The following VPS13B variants were observed in gnomAD, a reference collection of about 807,000 sequenced individuals.
VPS13B encodes the protein intermembrane lipid transfer protein VPS13B.
Under a neutral mutation model 426.4 loss-of-function variants are expected in VPS13B, and 285 were observed. The observed-to-expected ratio is 0.67, with a 90% CI of 0.61 to 0.74. The LOEUF (loss-of-function observed/expected upper bound fraction) is 0.74. VPS13B is among the 30% of genes least tolerant of loss of function. VPS13B has a pLI of 0.00. For missense variants in VPS13B, 4,537 were observed against 4,782.6 expected, an observed-to-expected ratio of 0.95 and a Z score of 1.51; for synonymous variants, 1,676 against 1,676.4, an observed-to-expected ratio of 1.00 and a Z score of 0.01.
chr8:99,185,450 TTTTCA>T (rs1269734498), intron 16 of VPS13B, among the ~76,000 whole-genome samples: 1 of 152,200 alleles, frequency 6.6e-6, no homozygotes, highest in African/African-American at 2.4e-5. Flanking sequence ...TTTTAAACTG[TTTTCA>T]TTTCTAAGTT....
intron 51 of VPS13B, among the ~76,000 whole-genome samples, chr8:99,827,863 G>T (rs1162599386): frequency 6.6e-6 from 1 of 152,146 alleles, no homozygotes; most frequent in African/African-American, 2.4e-5. Flanking sequence ...TCAGGAGCAG[G>T]TTGTTCCATT....
intron 19 of VPS13B, among the ~76,000 whole-genome samples, chr8:99,326,062 C>A (rs958790902): frequency 2.7e-4 from 41 of 152,060 alleles, no homozygotes; most frequent in African/African-American, 9.7e-4. Flanking sequence ...AAAATTATTT[C>A]TTACTCTACA....
intron 39 of VPS13B, among the ~76,000 whole-genome samples, chr8:99,734,636 A>ATT (rs1490761938): frequency 6.6e-6 from 1 of 152,208 alleles, no homozygotes; most frequent in East Asian, 1.9e-4. Context: ...GAAGGTAGTC[A>ATT]TTAAGGCTAT....
At chr8:99,821,682 T>C (rs1209914144) in intron 50 of VPS13B, among the ~76,000 whole-genome samples, 200 bp downstream of exon 50, 1 of 152,216 alleles carries the variant, frequency 6.6e-6, no homozygotes, top group Non-Finnish European at 1.5e-5. Flanking sequence ...AAAAGCTGTG[T>C]CACATAATTT....
At chr8:99,434,574 A>G (rs1229549328) in intron 22 of VPS13B, among the ~76,000 whole-genome samples, 1 of 152,210 alleles carries the variant, frequency 6.6e-6, no homozygotes, top group African/African-American at 2.4e-5. Context: ...TAAGAAATAC[A>G]TACCTGCCAT....
At chr8:99,301,261 G>A (rs778475871) in intron 19 of VPS13B, among the ~76,000 whole-genome samples, 2 of 151,350 alleles carry the variant, frequency 1.3e-5, no homozygotes, top group Admixed American at 6.6e-5. Flanking sequence ...GTTAGTATCA[G>A]GCACTCTTTT....
At chr8:99,087,161 GC>G (rs1208264786) in intron 3 of VPS13B, among the ~76,000 whole-genome samples, 7 of 152,100 alleles carry the variant, frequency 4.6e-5, no homozygotes, top group Non-Finnish European at 8.8e-5. Context: ...AATGGCGGGC[GC>G]CCCCTCCCCC....
intron 14 of VPS13B, among the ~76,000 whole-genome samples, chr8:99,151,711 T>G (rs999345373): frequency 1.3e-5 from 2 of 152,146 alleles, no homozygotes; most frequent in Middle Eastern, 3.2e-3. Flanking sequence ...TTTTGTATTT[T>G]TAGTAGAGAA....
intron 30 of VPS13B, among the ~76,000 whole-genome samples, chr8:99,526,287 A>G (rs1418953880): frequency 6.6e-6 from 1 of 152,202 alleles, no homozygotes; most frequent in African/African-American, 2.4e-5. Flanking sequence ...AATATATGAT[A>G]TGAATTTCTT....
At chr8:99,459,777 T>C (rs1818730294) in intron 23 of VPS13B, among the ~76,000 whole-genome samples, 1 of 152,166 alleles carries the variant, frequency 6.6e-6, no homozygotes, top group Non-Finnish European at 1.5e-5. Context: ...ATGATGTATT[T>C]TGAGATTCTG....
chr8:99,502,158 A>G (rs976442707), intron 26 of VPS13B, among the ~76,000 whole-genome samples: 1 of 151,740 alleles, frequency 6.6e-6, no homozygotes, highest in Non-Finnish European at 1.5e-5. Flanking sequence ...CTAATTTTGT[A>G]TTTTTAGTAG....
chr8:99,794,215 A>C (rs1812695207), intron 43 of VPS13B, among the ~76,000 whole-genome samples: 1 of 152,208 alleles, frequency 6.6e-6, no homozygotes, highest in African/African-American at 2.4e-5. Context: ...TCGATGTAAG[A>C]GGCTGGAGCT....
chr8:99,345,011 A>G (rs1811460706), intron 19 of VPS13B, among the ~76,000 whole-genome samples: 1 of 152,156 alleles, frequency 6.6e-6, no homozygotes, highest in Admixed American at 6.5e-5. Context: ...TCATTTAGGA[A>G]TTGAGTCTTG....
intron 35 of VPS13B, among the ~76,000 whole-genome samples, chr8:99,663,943 G>T (rs1196519467): frequency 2.0e-5 from 3 of 151,266 alleles, no homozygotes; most frequent in Admixed American, 2.0e-4. Context: ...AAATGCCAAT[G>T]AATAAATGAA....
rs150976602 is a variant in VPS13B, at chr8:99,133,700, A to G, written c.1207-932A>G. Among the ~76,000 whole-genome samples the G allele has an allele frequency of 2.8e-3, 423 of 152,260 alleles. 3 individuals are homozygous for G. The highest frequency in any genetic ancestry group is 9.9e-3 in the African/African-American group (411 of 41,552). ...TGTTCTGTCTCAGGAAATAGGCCCA[A>G]GGAGAAGGGAGAGAGGGGAGTGGCT... On this transcript the variant is annotated intron_variant, in intron 8 of 61. Coordinates refer to ENST00000357162, the MANE Select transcript of VPS13B (RefSeq NM_152564.5).
Position 99,868,427 on chromosome 8 carries a change from T to C in VPS13B, c.11354T>C (p.Ile3785Thr). The C allele has an allele frequency of 1.2e-6, 2 of 1,613,878 alleles. No individual in the cohort carries two copies. Among genetic ancestry groups the C allele is most frequent in the Non-Finnish European group, 1.7e-6 (2 of 1,179,954 alleles). Residue 3785 changes from isoleucine (I) to threonine (T), a missense_variant, in exon 59 of 62, where the codon ATC becomes ACC. Ile to Thr is a moderately conservative substitution (Grantham distance 89, BLOSUM62 -1). Around this residue, in one of 2 missense-constraint regions of VPS13B, gnomAD observed 4,311 missense variants for 4,474.3 expected, o/e 0.96. Transcript: ENST00000357162. ...ATCATGGGGGTGTTCACAAAGCCCA[T>C]CGGAGGAGCTGCTGAGCTGGTGTCA... ...KGIMGVFTKP[I>T]GGAAELVSQT... is the part of the protein sequence containing the mutation.
At chr8:99,737,353 C>T (rs551421742) in intron 39 of VPS13B, among the ~76,000 whole-genome samples, 1 of 151,544 alleles carries the variant, frequency 6.6e-6, no homozygotes, top group Non-Finnish European at 1.5e-5. Context: ...ATCTCCTGAC[C>T]TCGGGATCCG....
chr8:99,226,302 T>A (rs955938055), intron 17 of VPS13B, among the ~76,000 whole-genome samples: 7 of 152,188 alleles, frequency 4.6e-5, no homozygotes, highest in Non-Finnish European at 8.8e-5. Context: ...TAACCTGTTT[T>A]CCATTAAGAC....
chr8:99,084,175 G>A lies in VPS13B; in HGVS notation c.292-12137G>A, dbSNP rs182716497. Among the ~76,000 whole-genome samples the A allele has an allele frequency of 3.5e-3, 530 of 152,176 alleles. 2 individuals are homozygous for A. Among genetic ancestry groups the A allele is most frequent in the African/African-American group, 0.012 (503 of 41,524 alleles). On this transcript the variant is annotated intron_variant, in intron 3 of 61. Coordinates refer to ENST00000357162, the MANE Select transcript of VPS13B (RefSeq NM_152564.5). ...ATTCAGAGATTCAACTTCTTCCTGG[G>A]TTAGTCTTGGGAGGGTGTGTCGAGG...
Sources: gnomAD v4.1 joint callset for allele counts (sites outside exome capture counted in the v4.1 genomes callset) on GRCh38, gnomAD v4.1.1 for gene constraint, gnomAD v4.1.1 regional missense constraint, MANE v1.5 for transcripts, NCBI Gene and HGNC (gene_info 2026-07-23, HGNC 2026-07-21) for gene names.